The following NR3C1 variants were observed in gnomAD, a reference collection of about 807,000 sequenced individuals.
NR3C1 encodes the protein glucocorticoid receptor.
A neutral mutation model predicts 74.0 loss-of-function variants in NR3C1; 14 were observed. That is an observed-to-expected ratio of 0.19 (90% CI 0.12 to 0.30). The LOEUF (loss-of-function observed/expected upper bound fraction) is 0.30, where lower values mean the gene tolerates loss of function less well. Ranked by LOEUF, NR3C1 falls within the 10% of genes least tolerant of loss-of-function variation. The probability of loss-of-function intolerance (pLI) is 1.00; values close to 1 mark genes in which losing one functional copy is unlikely to be tolerated. For synonymous variants in NR3C1, 308 were observed against 332.5 expected, an observed-to-expected ratio of 0.93 and a Z score of 0.80; for missense variants, 695 against 909.8, an observed-to-expected ratio of 0.76 and a Z score of 3.04.
intron 2 of NR3C1, among the ~76,000 whole-genome samples, chr5:143,385,609 A>T (rs1236963643): frequency 3.3e-5 from 5 of 152,196 alleles, no homozygotes; most frequent in African/African-American, 7.2e-5. Flanking sequence ...AGATCCACAG[A>T]TCTCTAGGGC....
At chr5:143,375,397 A>G (rs1371942070) in intron 2 of NR3C1, among the ~76,000 whole-genome samples, 1 of 152,176 alleles carries the variant, frequency 6.6e-6, no homozygotes, top group Admixed American at 6.5e-5. Context: ...CTGCAACACT[A>G]TAGTAGCTAC....
intron 2 of NR3C1, among the ~76,000 whole-genome samples, chr5:143,374,701 G>GT (rs1834856896): frequency 6.6e-6 from 1 of 152,184 alleles, no homozygotes; most frequent in Admixed American, 6.5e-5. Context: ...AAAAAAAACA[G>GT]TGAGTCAAAA....
At chr5:143,355,456 A>G (rs370948906) in intron 2 of NR3C1, among the ~76,000 whole-genome samples, 1 of 152,176 alleles carries the variant, frequency 6.6e-6, no homozygotes, top group South Asian at 2.1e-4. Context: ...AGCCTGGGTG[A>G]CAGAGCAAGA....
intron 1 of NR3C1, among the ~76,000 whole-genome samples, chr5:143,401,730 T>G (rs1840322700): frequency 6.6e-6 from 1 of 152,220 alleles, no homozygotes; most frequent in Non-Finnish European, 1.5e-5. Context: ...TGCTATTACA[T>G]CTCTAAGTTC....
At chr5:143,410,892 A>G (rs1455520583) in intron 1 of NR3C1, among the ~76,000 whole-genome samples, 1 of 152,198 alleles carries the variant, frequency 6.6e-6, no homozygotes, top group African/African-American at 2.4e-5. Context: ...ACCGGAAACA[A>G]TTGTACCAGC....
At chr5:143,404,411 C>A, upstream of NR3C1, 1 of 985,530 alleles carries the variant, frequency 1.0e-6, no homozygotes, top group Non-Finnish European at 1.2e-6. Context: ...CGGCAGGTCC[C>A]CCACCACCGC....
At chr5:143,363,041 T>C (rs1459078582) in intron 2 of NR3C1, among the ~76,000 whole-genome samples, 1 of 152,144 alleles carries the variant, frequency 6.6e-6, no homozygotes. Flanking sequence ...CAGAAGCTGG[T>C]AGTAAAGGCT....
chr5:143,392,713 C>T (rs1284930562), intron 2 of NR3C1, among the ~76,000 whole-genome samples: 1 of 151,950 alleles, frequency 6.6e-6, no homozygotes, highest in Admixed American at 6.6e-5. Context: ...AGTGCTGTCA[C>T]ATAATTGGTG....
intron 2 of NR3C1, among the ~76,000 whole-genome samples, chr5:143,326,655 G>T (rs1198829799): frequency 6.6e-6 from 1 of 151,998 alleles, no homozygotes; most frequent in Non-Finnish European, 1.5e-5. Flanking sequence ...GGAATTTTTG[G>T]GGAAGCATTT....
chr5:143,311,723 G>A (rs1176071921), intron 3 of NR3C1, among the ~76,000 whole-genome samples: 1 of 151,192 alleles, frequency 6.6e-6, no homozygotes, highest in Non-Finnish European at 1.5e-5. Flanking sequence ...ATAGCTCTTT[G>A]CAGCCTGAAT....
In NR3C1 at chr5:143,365,869, T is replaced by C. The variant is rs149226501; in HGVS notation, c.1184+33787A>G. ...GAAGGAAATCTGGAAAGTTCACAGG[T>C]ATGTGGAAATCAACAAGTTCCTAAA... On this transcript the variant is annotated intron_variant, in intron 2 of 8. Transcript: ENST00000394464. Among the ~76,000 whole-genome samples, 23 of 152,314 alleles carry C rather than the reference T, an allele frequency of 1.5e-4. 1 individual carries two copies. The East Asian group carries it at 4.0e-3, about 27-fold the overall frequency.
rs144444670 is a variant in NR3C1 at position 143,365,666 on chromosome 5, C to A, written c.1184+33990G>T. On this transcript the variant is annotated intron_variant, in intron 2 of 8. Transcript: ENST00000394464. ...TTGAACAGAACTATGTACCAACACA[C>A]CTGTCAAACACTCTACCCAACAAAA... Among the ~76,000 whole-genome samples the A allele has an allele frequency of 1.4e-4, 22 of 152,274 alleles. 1 individual carries two copies. The East Asian group carries it at 4.0e-3, about 28-fold the overall frequency.
rs114005562 is a variant in NR3C1 at position 143,430,288 on chromosome 5, A to G, written c.-14+4244T>C. ...ATATTAGATTATGTTTTCAAACTCT[A>G]TTAATGTGTACTGAATAACTTCACA... On this transcript the variant is annotated intron_variant, in intron 1 of 8. Transcript: ENST00000343796. Among the ~76,000 whole-genome samples, 672 of 152,282 alleles carry G rather than the reference A, an allele frequency of 4.4e-3. 5 individuals are homozygous for G. The highest frequency in any genetic ancestry group is 0.015 in the African/African-American group (640 of 41,570).
intron 2 of NR3C1, among the ~76,000 whole-genome samples, chr5:143,315,609 T>C (rs1185459805): frequency 6.6e-6 from 1 of 152,204 alleles, no homozygotes; most frequent in Non-Finnish European, 1.5e-5. Context: ...CTTGCTTTTA[T>C]TTATTTCAGC....
chr5:143,383,347 T>C (rs1836590626), intron 2 of NR3C1, among the ~76,000 whole-genome samples: 1 of 152,252 alleles, frequency 6.6e-6, no homozygotes, highest in African/African-American at 2.4e-5. Flanking sequence ...GCTTCCTCTG[T>C]GGTTCTTTGT....
chr5:143,279,198 T>G lies in NR3C1; in HGVS notation c.*2691A>C. The G allele has an allele frequency of 1.4e-6, 1 of 719,532 alleles. No homozygotes were observed. The highest frequency in any genetic ancestry group is 2.2e-6 in the Non-Finnish European group (1 of 456,630). 44.6% of individuals were successfully genotyped at this position (719,532 alleles called of 1,614,324 possible). On this transcript the variant is annotated 3_prime_UTR_variant, in exon 9 of 9. Coordinates refer to ENST00000394464, the MANE Select transcript of NR3C1 (RefSeq NM_000176.3). ...AAACATAATTAAGATGACTTTCTTT[T>G]CCCCCACGTATCCTAAAAGGGCACA... is the stretch of plus-strand genomic sequence containing the variant.
In NR3C1 at chr5:143,303,367, G is replaced by T. The variant is rs193018046; in HGVS notation, c.1469-2604C>A. Among the ~76,000 whole-genome samples, 6 of 152,064 alleles carry T rather than the reference G, an allele frequency of 3.9e-5. No individual in the cohort carries two copies. In the East Asian group the frequency reaches 1.2e-3, roughly 29 times the overall value. ...GAAATGGAAACACACAACCTGCCTA[G>T]ATTGAACCAGGAAGAAACTGAAATT... is the stretch of plus-strand genomic sequence containing the variant. On this transcript the variant is annotated intron_variant, in intron 4 of 8. Transcript: ENST00000394464.
chr5:143,355,570 T>C (rs1477382106), intron 2 of NR3C1, among the ~76,000 whole-genome samples: 1 of 152,148 alleles, frequency 6.6e-6, no homozygotes, highest in Non-Finnish European at 1.5e-5. Context: ...TCCCCCCAAA[T>C]AGTGATGGTC....
At chr5:143,304,703 A>C (rs1305432553) in intron 4 of NR3C1, among the ~76,000 whole-genome samples, 1 of 152,062 alleles carries the variant, frequency 6.6e-6, no homozygotes, top group East Asian at 1.9e-4. Flanking sequence ...CTGGTAAAAA[A>C]AAACCACACA....
Sources: gnomAD v4.1 joint callset for allele counts (sites outside exome capture counted in the v4.1 genomes callset) on GRCh38, gnomAD v4.1.1 for gene constraint, MANE v1.5 for transcripts, NCBI Gene and HGNC (gene_info 2026-07-23, HGNC 2026-07-21) for gene names.